CEP70: variants seen among roughly 807,000 people sequenced by gnomAD.
CEP70 encodes the protein centrosomal protein of 70 kDa.
Under a neutral mutation model 90.9 loss-of-function variants are expected in CEP70, and 70 were observed. The observed-to-expected ratio is 0.77, with a 90% CI of 0.64 to 0.94. The LOEUF (loss-of-function observed/expected upper bound fraction) is 0.94. CEP70 is among the 40% of genes least tolerant of loss of function. CEP70 has a pLI of 0.00. For missense variants in CEP70, 648 were observed against 669.0 expected, an observed-to-expected ratio of 0.97 and a Z score of 0.35; for synonymous variants, 220 against 228.3, an observed-to-expected ratio of 0.96 and a Z score of 0.33.
At chr3:138,563,256 C>A (rs540646275) in intron 6 of CEP70, among the ~76,000 whole-genome samples, 15 of 152,222 alleles carry the variant, frequency 9.9e-5, no homozygotes, top group African/African-American at 3.6e-4. Flanking sequence ...TAGTGGGAGA[C>A]TTTAACACCC....
chr3:138,567,239 T>TCTC lies in CEP70; in HGVS notation c.465+3076_465+3078dup, dbSNP rs368184067. On this transcript the variant is annotated intron_variant, in intron 6 of 17. Coordinates refer to ENST00000264982, the MANE Select transcript of CEP70 (RefSeq NM_024491.4). ...ATACATACAAAACCAATGTTTCCTT[T>TCTC]CTCCCAACTACCAAACATGCAGCAC... 9.0e-3 allele frequency among the ~76,000 whole-genome samples: 1,371 copies of TCTC among 152,318 alleles called. 23 individuals are homozygous for TCTC. The highest frequency in any genetic ancestry group is 0.03 in the African/African-American group (1,245 of 41,572).
intron 2 of CEP70, among the ~76,000 whole-genome samples, chr3:138,578,560 A>C (rs1158453518): frequency 6.6e-6 from 1 of 152,188 alleles, no homozygotes; most frequent in African/African-American, 2.4e-5. Flanking sequence ...GAATAGAATC[A>C]AAACTGAGCA....
intron 10 of CEP70, among the ~76,000 whole-genome samples, chr3:138,528,810 T>C (rs1314781007): frequency 6.6e-6 from 1 of 152,122 alleles, no homozygotes. Flanking sequence ...CTGACAAACA[T>C]GGCAAAACCT....
intron 2 of CEP70, among the ~76,000 whole-genome samples, chr3:138,586,316 C>G (rs570558032): frequency 1.3e-5 from 2 of 152,300 alleles, no homozygotes; most frequent in Non-Finnish European, 2.9e-5. Context: ...TGCCACCACA[C>G]TGGCCAATTT....
intron 2 of CEP70, among the ~76,000 whole-genome samples, chr3:138,588,684 A>G (rs1331229928): frequency 6.6e-6 from 1 of 152,240 alleles, no homozygotes; most frequent in Non-Finnish European, 1.5e-5. Flanking sequence ...CTATTTCTTA[A>G]AAGGTTAATA....
intron 11 of CEP70, among the ~76,000 whole-genome samples, chr3:138,524,813 G>A (rs2037044253): frequency 1.3e-5 from 2 of 152,200 alleles, no homozygotes; most frequent in Admixed American, 1.3e-4. Flanking sequence ...TACACTGTTG[G>A]TGGAACTGTA....
chr3:138,514,421 T>C (rs1036542917), intron 11 of CEP70, among the ~76,000 whole-genome samples: 2 of 152,218 alleles, frequency 1.3e-5, no homozygotes, highest in African/African-American at 4.8e-5. Flanking sequence ...CACAATCTGA[T>C]TGAATCTGAT....
chr3:138,556,043 G>C (rs183169640), intron 6 of CEP70, among the ~76,000 whole-genome samples: 2 of 152,274 alleles, frequency 1.3e-5, no homozygotes, highest in East Asian at 3.9e-4. Context: ...TCAACAAGTG[G>C]ATAAAGAAAC....
chr3:138,496,016 T>TA, intron 17 of CEP70: 1 of 985,420 alleles, frequency 1.0e-6, no homozygotes, highest in Non-Finnish European at 1.2e-6. Flanking sequence ...TTCCTAAGAC[T>TA]ATCTTATTCC....
Position 138,536,325 on chromosome 3 carries a change from T to C in CEP70, c.635+853A>G, listed in dbSNP as rs571096015. On this transcript the variant is annotated intron_variant, in intron 7 of 17. Transcript: ENST00000264982. ...AATGAAAACACAACTTCTCTGAATA[T>C]AAATAATGAATAGTTTTGATTTTGC... is the stretch of plus-strand genomic sequence containing the variant. Among the ~76,000 whole-genome samples the C allele has an allele frequency of 2.1e-4, 32 of 152,232 alleles. No individual in the cohort carries two copies. The South Asian group carries it at 2.9e-3, about 14-fold the overall frequency.
In CEP70 at chr3:138,509,762, T is replaced by C. The variant is rs545655836; in HGVS notation, c.945-1218A>G. Among the ~76,000 whole-genome samples the C allele has an allele frequency of 2.6e-5, 4 of 152,266 alleles. No individual in the cohort carries two copies. In the South Asian group the frequency reaches 8.3e-4, roughly 32 times the overall value. Reference sequence around the variant, plus strand: ...TCATGCTGTCCCACTCCATCCCACCTAGGATGTGATTCATCCCTTTGTCCA... The same window carrying C: ...TCATGCTGTCCCACTCCATCCCACCCAGGATGTGATTCATCCCTTTGTCCA... On this transcript the variant is annotated intron_variant, in intron 11 of 17. Transcript: ENST00000264982.
chr3:138,560,107 C>T (rs548954129), intron 6 of CEP70, among the ~76,000 whole-genome samples: 6 of 152,150 alleles, frequency 3.9e-5, no homozygotes, highest in Non-Finnish European at 8.8e-5. Context: ...TCTGCAGCTC[C>T]CCAGCGAGAT....
intron 13 of CEP70, among the ~76,000 whole-genome samples, chr3:138,504,468 T>C (rs1277107327): frequency 1.3e-5 from 2 of 152,218 alleles, no homozygotes; most frequent in Non-Finnish European, 1.5e-5. Flanking sequence ...ACTGTCTTCA[T>C]GGAGCTTATA....
At chr3:138,570,529 T>G (rs2108143478) in intron 5 of CEP70, 31 bp from the exon 6 acceptor site, 1 of 1,538,548 alleles carries the variant, frequency 6.5e-7, no homozygotes, top group East Asian at 2.4e-5. Context: ...TTTCTTCCCT[T>G]AGTATTAAAA....
rs192839490 is a variant in CEP70, at chr3:138,526,344, G to T, written c.870-780C>A. Among the ~76,000 whole-genome samples the T allele has an allele frequency of 5.0e-3, 719 of 144,006 alleles. 4 individuals are homozygous for T. The highest frequency in any genetic ancestry group is 0.018 in the African/African-American group (693 of 37,690). 94.5% of individuals were successfully genotyped at this position (144,006 alleles called of 152,430 possible). ...CCGGGCTGATTTTTGTATTTTTTTT[G>T]GTAAAGACAGGGTTTCACCAAGTTG... On this transcript the variant is annotated intron_variant, in intron 10 of 17. Coordinates refer to ENST00000264982, the MANE Select transcript of CEP70 (RefSeq NM_024491.4).
chr3:138,525,159 C>A (rs2037085985), intron 11 of CEP70, among the ~76,000 whole-genome samples: 1 of 151,338 alleles, frequency 6.6e-6, no homozygotes, highest in South Asian at 2.1e-4. Flanking sequence ...CAAACTATCG[C>A]AAGGACAAAA....
chr3:138,540,143 G>T (rs534200578), intron 6 of CEP70, among the ~76,000 whole-genome samples: 244 of 152,060 alleles, frequency 1.6e-3, no homozygotes, highest in Non-Finnish European at 2.8e-3. Flanking sequence ...GTCGGCAAAG[G>T]ACAAGAATAG....
intron 6 of CEP70, among the ~76,000 whole-genome samples, chr3:138,544,509 GTGTATGTATGTA>G (rs34978232): frequency 2.0e-5 from 3 of 148,976 alleles, no homozygotes; most frequent in South Asian, 4.2e-4. Flanking sequence ...ACTACAGAGT[GTGTATGTATGTA>G]TGTATGTATG....
At chr3:138,508,395 A>G in intron 12 of CEP70, 44 bp downstream of exon 12, 1 of 1,240,466 alleles carries the variant, frequency 8.1e-7, no homozygotes, top group South Asian at 1.2e-5. Flanking sequence ...ACCAAGATTC[A>G]TGACAAACAT....
Sources: allele counts gnomAD v4.1 joint callset (sites outside exome capture counted in the v4.1 genomes callset), GRCh38; gene constraint gnomAD v4.1.1; transcripts MANE v1.5; gene names NCBI Gene and HGNC (gene_info 2026-07-23, HGNC 2026-07-21).